Variants in DLC1 observed in about 807,000 individuals in gnomAD.
DLC1 encodes the protein DLC1 Rho GTPase activating protein.
In DLC1, 54 loss-of-function variants were observed where a neutral mutation model predicts 140.3. That is an observed-to-expected ratio of 0.38 (90% CI 0.31 to 0.48). The LOEUF (loss-of-function observed/expected upper bound fraction) is 0.48, where lower values mean the gene tolerates loss of function less well. DLC1 is among the 20% of genes least tolerant of loss of function. The probability of loss-of-function intolerance (pLI) is 0.96; values close to 1 mark genes in which losing one functional copy is unlikely to be tolerated. For synonymous variants in DLC1, 986 were observed against 728.1 expected (o/e 1.35, Z -5.70); for missense variants, 2,536 against 1,907.0 (o/e 1.33, Z -6.14).
intron 2 of DLC1, among the ~76,000 whole-genome samples, chr8:13,493,563 AG>A (rs1300655988): frequency 6.6e-6 from 1 of 152,206 alleles, no homozygotes; most frequent in Middle Eastern, 3.2e-3. Context: ...ATATGTGCTG[AG>A]AACGTTCAAT....
At chr8:13,135,062 G>A (rs1822452092) in intron 5 of DLC1, among the ~76,000 whole-genome samples, 1 of 152,074 alleles carries the variant, frequency 6.6e-6, no homozygotes, top group African/African-American at 2.4e-5. Context: ...TGTGGGAGCC[G>A]GAGGAGCTGC....
intron 1 of DLC1, chr8:13,566,779 C>A: frequency 4.9e-6 from 3 of 614,412 alleles, no homozygotes; most frequent in African/African-American, 1.9e-5. Flanking sequence ...CGCTGGGGAG[C>A]GCGGAGGAAA....
chr8:13,508,150 C>T (rs573763896), intron 1 of DLC1, among the ~76,000 whole-genome samples: 186 of 152,294 alleles, frequency 1.2e-3, no homozygotes, highest in African/African-American at 4.0e-3. Context: ...TTTAATGTCG[C>T]TTCCAGTAGT....
At chr8:13,430,185 G>T (rs368768266) in intron 2 of DLC1, among the ~76,000 whole-genome samples, 2 of 152,242 alleles carry the variant, frequency 1.3e-5, no homozygotes, top group East Asian at 1.9e-4. Flanking sequence ...ATTGGAGAGC[G>T]CATGAGTCTT....
chr8:13,459,746 G>C (rs1020514019), intron 2 of DLC1, among the ~76,000 whole-genome samples: 1 of 151,970 alleles, frequency 6.6e-6, no homozygotes, highest in South Asian at 2.1e-4. Context: ...TGACCCCTTT[G>C]ATTTTTAGAA....
At chr8:13,382,123 A>G (rs1836289404) in intron 4 of DLC1, among the ~76,000 whole-genome samples, 1 of 152,170 alleles carries the variant, frequency 6.6e-6, no homozygotes, top group Non-Finnish European at 1.5e-5. Context: ...TGTAGAAAGT[A>G]AAAAATGTAC....
intron 4 of DLC1, among the ~76,000 whole-genome samples, chr8:13,392,203 G>T (rs1304837653): frequency 2.0e-5 from 3 of 152,068 alleles, no homozygotes; most frequent in Non-Finnish European, 2.9e-5. Flanking sequence ...ATCATAGCTT[G>T]TACAGCATTT....
chr8:13,533,245 G>GT (rs5889449), intron 1 of DLC1, among the ~76,000 whole-genome samples: 8,668 of 151,450 alleles, frequency 0.057, 522 homozygotes, highest in East Asian at 0.18. Flanking sequence ...AATAATCGTT[G>GT]TTTTTTTTTG....
At chr8:13,373,146 G>T (rs1039459924) in intron 4 of DLC1, among the ~76,000 whole-genome samples, 1 of 152,154 alleles carries the variant, frequency 6.6e-6, no homozygotes, top group African/African-American at 2.4e-5. Context: ...GTCCCAAAGT[G>T]CAGGGATTAC....
chr8:13,327,258 C>A (rs192482647), intron 4 of DLC1, among the ~76,000 whole-genome samples: 1 of 151,286 alleles, frequency 6.6e-6, no homozygotes, highest in Non-Finnish European at 1.5e-5. Flanking sequence ...CAGGCGTGAG[C>A]CACTGCGCCC....
At chr8:13,338,053 G>C (rs1299594460) in intron 4 of DLC1, among the ~76,000 whole-genome samples, 4 of 152,190 alleles carry the variant, frequency 2.6e-5, no homozygotes, top group Non-Finnish European at 4.4e-5. Flanking sequence ...GTTAAATGGA[G>C]AGTTTTCCTC....
chr8:13,595,716 GA>G (rs1264337799), intron 1 of DLC1, among the ~76,000 whole-genome samples: 1 of 151,968 alleles, frequency 6.6e-6, no homozygotes, highest in African/African-American at 2.4e-5. Context: ...TACTAATTGT[GA>G]AAATATGTAT....
At chr8:13,564,948 A>G (rs1379120130) in intron 1 of DLC1, among the ~76,000 whole-genome samples, 1 of 152,184 alleles carries the variant, frequency 6.6e-6, no homozygotes. Flanking sequence ...TCCACAAAGC[A>G]TTTTGACATT....
At position 13,321,522 on chromosome 8, in the gene DLC1, G is replaced by C. The variant is rs368458464; in HGVS notation, c.1315-16220C>G. ...CACTGCACTCCAGCCTAGCGACAGA[G>C]AGAGACTCAGTCTCAAAAAAGAAAA... is the stretch of plus-strand genomic sequence containing the variant. On this transcript the variant is annotated intron_variant, in intron 4 of 17. Coordinates refer to ENST00000276297, the MANE Select transcript of DLC1 (RefSeq NM_182643.3). Among the ~76,000 whole-genome samples the C allele has an allele frequency of 2.3e-4, 27 of 117,652 alleles. No individual in the cohort carries two copies. The East Asian group carries it at 4.1e-3, about 18-fold the overall frequency. 77.2% of individuals were successfully genotyped at this position (117,652 alleles called of 152,430 possible).
chr8:13,585,887 A>G (rs1805288985), intron 1 of DLC1, among the ~76,000 whole-genome samples: 1 of 152,216 alleles, frequency 6.6e-6, no homozygotes, highest in South Asian at 2.1e-4. Flanking sequence ...ATTCTGAAGT[A>G]CTTTTTCAGT....
intron 2 of DLC1, among the ~76,000 whole-genome samples, chr8:13,408,867 G>C (rs921318631): frequency 1.3e-5 from 2 of 151,824 alleles, no homozygotes; most frequent in Non-Finnish European, 2.9e-5. Flanking sequence ...GACTTTTCTT[G>C]GTTTGAAAAC....
At chr8:13,382,487 G>C (rs1306166772) in intron 4 of DLC1, among the ~76,000 whole-genome samples, 1 of 112,088 alleles carries the variant, frequency 8.9e-6, no homozygotes, top group Non-Finnish European at 1.7e-5. Flanking sequence ...CAGCCTGGGC[G>C]ACAGCGAGAC....
At chr8:13,320,643 C>G (rs1833062514) in intron 4 of DLC1, among the ~76,000 whole-genome samples, 1 of 151,862 alleles carries the variant, frequency 6.6e-6, no homozygotes, top group African/African-American at 2.4e-5. Flanking sequence ...GGTGATCTCT[C>G]ATGAATAGAT....
intron 2 of DLC1, among the ~76,000 whole-genome samples, chr8:13,411,526 T>G (rs1837782223): frequency 1.3e-5 from 2 of 152,162 alleles, no homozygotes; most frequent in Non-Finnish European, 2.9e-5. Context: ...TAGTAGACAC[T>G]GATGTAAACT....
Sources: gnomAD v4.1 joint callset for allele counts (sites outside exome capture counted in the v4.1 genomes callset) on GRCh38, gnomAD v4.1.1 for gene constraint, MANE v1.5 for transcripts, NCBI Gene and HGNC (gene_info 2026-07-23, HGNC 2026-07-21) for gene names.